Variants in TAF1L observed in about 807,000 individuals in gnomAD.
TAF1L encodes TATA-box binding protein associated factor 1 like, also known as transcription initiation factor TFIID subunit 1-like.
TAF1L carries 30 observed loss-of-function variants against 128.8 expected under a neutral mutation model. That is an observed-to-expected ratio of 0.23 (90% CI 0.17 to 0.32). The LOEUF (loss-of-function observed/expected upper bound fraction) is 0.32, where lower values mean the gene tolerates loss of function less well. TAF1L is among the 10% of genes least tolerant of loss of function. TAF1L has a pLI of 1.00. For synonymous variants in TAF1L, 764 were observed against 790.7 expected, an observed-to-expected ratio of 0.97 and a Z score of 0.57; for missense variants, 2,099 against 2,253.7, an observed-to-expected ratio of 0.93 and a Z score of 1.39.
Position 32,635,594 on chromosome 9 carries a change from A to G in TAF1L, c.-15T>C. On this transcript the variant is annotated 5_prime_UTR_variant, in exon 1 of 1. Coordinates refer to ENST00000242310, the MANE Select transcript of TAF1L (RefSeq NM_153809.2). Reference sequence around the variant, plus strand: ...CCGGGTCGCATAAACCGGAAATAAAACAACAGTCGCCCGGAAGTGATCTAC... The same window carrying G: ...CCGGGTCGCATAAACCGGAAATAAAGCAACAGTCGCCCGGAAGTGATCTAC... The G allele has an allele frequency of 1.2e-6, 2 of 1,602,562 alleles. 1 individual carries two copies. The highest frequency in any genetic ancestry group is 2.3e-5 in the South Asian group (2 of 88,850).
Position 32,634,611 on chromosome 9 carries a change from C to G in TAF1L, c.969G>C (p.Gln323His). Reference protein sequence around the residue: ...YDYAPPPPPEQCLADDEITMM... With the variant: ...YDYAPPPPPEHCLADDEITMM... ...TCGTGATTTCATCATCAGCGAGACA[C>G]TGCTCTGGGGGTGGTGGTGGAGCAT... The change falls in exon 1 of 1, where the codon CAG becomes CAC. Residue 323 changes from glutamine to histidine, a missense_variant. Gln to His is a conservative substitution (Grantham distance 24). Transcript: ENST00000242310. The G allele has an allele frequency of 6.2e-7, 1 of 1,614,202 alleles. No homozygotes were observed. The highest frequency in any genetic ancestry group is 8.5e-7 in the Non-Finnish European group (1 of 1,180,036).
rs764757601 is a variant in TAF1L, at chr9:32,635,505, G to A, written c.75C>T (p.Ser25=). Residue 25 remains serine, a synonymous_variant, in exon 1 of 1, where the codon AGC becomes AGT. Coordinates refer to ENST00000242310, the MANE Select transcript of TAF1L (RefSeq NM_153809.2). The part of the protein sequence containing the change: ...VTAAIMSDSD[S]EEDSSGGGPF... ...GGCCACCTCCAGATGAATCTTCCTC[G>A]CTGTCCGAGTCTGACATGATGGCGG... 6.2e-7 allele frequency: 1 copy of A among 1,614,098 alleles called. No individual in the cohort carries two copies. Among genetic ancestry groups the A allele is most frequent in the Non-Finnish European group, 8.5e-7 (1 of 1,180,014 alleles).
Position 32,635,242 on chromosome 9 carries a change from T to C in TAF1L, c.338A>G (p.Asn113Ser), listed in dbSNP as rs1347470696. ...TEDAVDYSDI[N>S]EVAEDESQRH... ...TTGGCTTTCATCTTCTGCCACCTCATTGATGTCTGAATAGTCTACAGCATC... is the reference window on the plus strand; with the variant it reads ...TTGGCTTTCATCTTCTGCCACCTCACTGATGTCTGAATAGTCTACAGCATC... The change falls in exon 1 of 1, where the codon AAT becomes AGT. Residue 113 changes from asparagine (N) to serine (S), a missense_variant. Coordinates refer to ENST00000242310, the MANE Select transcript of TAF1L (RefSeq NM_153809.2). The C allele has an allele frequency of 2.5e-6, 4 of 1,614,178 alleles. No individual in the cohort carries two copies. Among genetic ancestry groups the C allele is most frequent in the Non-Finnish European group, 2.5e-6 (3 of 1,180,028 alleles).
In TAF1L at chr9:32,630,405, A is replaced by C. The variant is rs111917220; in HGVS notation, c.5175T>G (p.Asp1725Glu). 111 of 1,614,138 alleles carry C rather than the reference A, an allele frequency of 6.9e-5. 2 individuals carry two copies. The South Asian group carries it at 8.3e-4, about 12-fold the overall frequency. Residue 1725 changes from aspartate (D) to glutamate (E), a missense_variant, in exon 1 of 1, where the codon GAT becomes GAG. Coordinates refer to ENST00000242310, the MANE Select transcript of TAF1L (RefSeq NM_153809.2). ...GCTTAGGTTTCCCATCCTCCTCCTCATCATCATACCCTTCAACATCCACAT... is the reference window on the plus strand; with the variant it reads ...GCTTAGGTTTCCCATCCTCCTCCTCCTCATCATACCCTTCAACATCCACAT... Reference protein sequence around the residue: ...DSDVDVEGYDDEEEDGKPKPP... With the variant: ...DSDVDVEGYDEEEEDGKPKPP...
rs763220541 is a variant in TAF1L at position 32,634,310 on chromosome 9, C to G, written c.1270G>C (p.Val424Leu). 1.2e-6 allele frequency: 2 copies of G among 1,614,218 alleles called. No individual in the cohort carries two copies. Among genetic ancestry groups the G allele is most frequent in the South Asian group, 2.2e-5 (2 of 91,088 alleles). ...DLLADENFLM[V>L]TQLHWEDSII... The stretch of plus-strand genomic sequence containing the variant: ...GAATCCTCCCAATGCAGCTGTGTCA[C>G]CATCAGGAAGTTTTCGTCAGCCAGA... Residue 424 changes from valine to leucine, a missense_variant, in exon 1 of 1, where the codon GTG becomes CTG. Val to Leu is a conservative substitution (Grantham distance 32). Coordinates refer to ENST00000242310, the MANE Select transcript of TAF1L (RefSeq NM_153809.2).
Position 32,634,079 on chromosome 9 carries a change from C to T in TAF1L, c.1501G>A (p.Asp501Asn), listed in dbSNP as rs750997404. ...NEDLVYGRWEDNIIWDAQAMP... is the reference protein window; with the variant it reads ...NEDLVYGRWENNIIWDAQAMP... ...GCCTGAGCATCCCAAATGATATTGT[C>T]CTCCCAGCGTCCATACACCAGATCC... Residue 501 changes from aspartate to asparagine, a missense_variant, in exon 1 of 1, where the codon GAC (aspartate) becomes AAC (asparagine). By Grantham distance (23) the Asp-to-Asn change is conservative. Coordinates refer to ENST00000242310, the MANE Select transcript of TAF1L (RefSeq NM_153809.2). 1.3e-5 allele frequency: 21 copies of T among 1,614,016 alleles called. No individual in the cohort carries two copies. In the South Asian group the frequency reaches 1.5e-4, roughly 12 times the overall value.
At position 32,634,019 on chromosome 9, in the gene TAF1L, G is replaced by A; in HGVS notation, c.1561C>T (p.Leu521Phe). ...ATGAGGTTCTCATCATTGGGATCAA[G>A]TGCCAAAACAGGAGGTTCCAACAGC... ...PRLLEPPVLALDPNDENLILE... is the reference protein window; with the variant it reads ...PRLLEPPVLAFDPNDENLILE... The change falls in exon 1 of 1, where the codon CTT becomes TTT. Residue 521 changes from leucine (L) to phenylalanine (F), a missense_variant. By Grantham distance (22) the Leu-to-Phe change is conservative. Transcript: ENST00000242310. 1 of 1,614,150 alleles carries A rather than the reference G, an allele frequency of 6.2e-7. No homozygotes were observed. Among genetic ancestry groups the A allele is most frequent in the East Asian group, 2.2e-5 (1 of 44,884 alleles).
Position 32,634,509 on chromosome 9 carries a change from C to T in TAF1L, c.1071G>A (p.Val357=), listed in dbSNP as rs891804004. Residue 357 remains valine (V), a synonymous_variant, in exon 1 of 1, where the codon GTG becomes GTA. Coordinates refer to ENST00000242310, the MANE Select transcript of TAF1L (RefSeq NM_153809.2). ...GGGCAGGCCCATAACGCCACTCAGC[C>T]ACTCTTGGTTTGGTATCTGTCACTT... is the stretch of plus-strand genomic sequence containing the variant. ...VDKVTDTKPR[V]AEWRYGPARL... 8.1e-6 allele frequency: 13 copies of T among 1,614,110 alleles called. No individual in the cohort carries two copies. The highest frequency in any genetic ancestry group is 3.3e-5 in the Admixed American group (2 of 60,010).
Position 32,635,611 on chromosome 9 carries a change from G to A in TAF1L, c.-32C>T, listed in dbSNP as rs1822575363. 1.4e-6 allele frequency: 2 copies of A among 1,389,908 alleles called. No individual in the cohort carries two copies. Among genetic ancestry groups the A allele is most frequent in the Non-Finnish European group, 9.6e-7 (1 of 1,042,406 alleles). The allele number at this position is 1,389,908 out of a possible 1,614,324, so 86.1% of individuals were successfully genotyped here. On this transcript the variant is annotated 5_prime_UTR_variant, in exon 1 of 1. Transcript: ENST00000242310. ...GAAATAAAACAACAGTCGCCCGGAA[G>A]TGATCTACTTAGCTCCCTTACCCTA...
At position 32,631,390 on chromosome 9, in the gene TAF1L, C is replaced by A. The variant is rs139533090; in HGVS notation, c.4190G>T (p.Arg1397Leu). 6.2e-7 allele frequency: 1 copy of A among 1,614,104 alleles called. No individual in the cohort carries two copies. The highest frequency in any genetic ancestry group is 8.5e-7 in the Non-Finnish European group (1 of 1,180,016). Residue 1397 changes from arginine (R) to leucine (L), a missense_variant, in exon 1 of 1, where the codon CGC becomes CTC. Coordinates refer to ENST00000242310, the MANE Select transcript of TAF1L (RefSeq NM_153809.2). This position sits in a 1 kb window ranked among gnomAD's most constrained non-coding sequence, Gnocchi z 4.1. Reference sequence around the variant, plus strand: ...TGACAGCGTCACCATAGGGTCTGTGCGGCGTCGGTGGATGGACTTATGAGG... The same window carrying A: ...TGACAGCGTCACCATAGGGTCTGTGAGGCGTCGGTGGATGGACTTATGAGG... ...NIPHKSIHRR[R>L]TDPMVTLSSI... is the part of the protein sequence containing the mutation.
In TAF1L at chr9:32,634,321, T is replaced by C; in HGVS notation, c.1259A>G (p.Asn420Ser). 3 of 1,614,148 alleles carry C rather than the reference T, an allele frequency of 1.9e-6. No homozygotes were observed. The South Asian group carries it at 3.3e-5, about 18-fold the overall frequency. ...ATGCAGCTGTGTCACCATCAGGAAG[T>C]TTTCGTCAGCCAGAAGATCAGTGCC... ...SNGTDLLADENFLMVTQLHWE... is the reference protein window; with the variant it reads ...SNGTDLLADESFLMVTQLHWE... Residue 420 changes from asparagine to serine, a missense_variant, in exon 1 of 1, where the codon AAC (asparagine) becomes AGC (serine). Transcript: ENST00000242310.
rs1423656060 is a variant in TAF1L, at chr9:32,630,324, T to C, written c.5256A>G (p.Val1752=). 1.2e-6 allele frequency: 2 copies of C among 1,614,122 alleles called. No individual in the cohort carries two copies. Among genetic ancestry groups the C allele is most frequent in the South Asian group, 2.2e-5 (2 of 91,088 alleles). ...ACAGGACACTGGCTTCAGGTTGTTG[T>C]ACAGTTCCTTCCTCTTCATCTGCAA... is the stretch of plus-strand genomic sequence containing the variant. ...GDLADEEEGT[V]QQPEASVLYE... is the part of the protein sequence containing the mutation. Residue 1752 remains valine, a synonymous_variant, in exon 1 of 1, where the codon GTA becomes GTG. Coordinates refer to ENST00000242310, the MANE Select transcript of TAF1L (RefSeq NM_153809.2).
At position 32,631,242 on chromosome 9, in the gene TAF1L, T is replaced by C. The variant is rs1822513151; in HGVS notation, c.4338A>G (p.Leu1446=). The change falls in exon 1 of 1, where the codon CTA becomes CTG. Residue 1446 remains leucine (L), a synonymous_variant. Transcript: ENST00000242310. This position sits in a 1 kb window ranked among gnomAD's most constrained non-coding sequence, Gnocchi z 4.1. ...YYKIITRPMD[L]QTLRENVRKC... ...TACGCACATTTTCACGGAGTGTTTG[T>C]AGGTCCATTGGCCGAGTGATGATTT... is the stretch of plus-strand genomic sequence containing the variant. The C allele has an allele frequency of 4.3e-6, 7 of 1,614,190 alleles. No individual in the cohort carries two copies. Among genetic ancestry groups the C allele is most frequent in the Non-Finnish European group, 5.9e-6 (7 of 1,180,036 alleles).
In TAF1L at chr9:32,631,206, G is replaced by A. The variant is rs1822512604; in HGVS notation, c.4374C>T (p.Tyr1458=). 6.2e-7 allele frequency: 1 copy of A among 1,614,172 alleles called. No individual in the cohort carries two copies. Among genetic ancestry groups the A allele is most frequent in the Non-Finnish European group, 8.5e-7 (1 of 1,180,032 alleles). Residue 1458 remains tyrosine (Y), a synonymous_variant, in exon 1 of 1, where the codon TAC becomes TAT. Transcript: ENST00000242310. The surrounding 1 kb of genome is among the most constrained non-coding windows in gnomAD (Gnocchi z 4.1). ...TLRENVRKCL[Y]PSREEFREHL... Reference sequence around the variant, plus strand: ...GCTCTCTGAACTCTTCCCGAGATGGGTAGAGGCATTTACGCACATTTTCAC... The same window carrying A: ...GCTCTCTGAACTCTTCCCGAGATGGATAGAGGCATTTACGCACATTTTCAC...
Position 32,635,325 on chromosome 9 carries a change from T to C in TAF1L, c.255A>G (p.Glu85=). The C allele has an allele frequency of 1.2e-6, 2 of 1,614,136 alleles. No homozygotes were observed. The highest frequency in any genetic ancestry group is 2.2e-5 in the South Asian group (2 of 91,076). The change falls in exon 1 of 1, where the codon GAA becomes GAG. Residue 85 remains glutamate (E), a synonymous_variant. Transcript: ENST00000242310. ...CCAAGGCACCGCCAGTCCCAGTCAA[T>C]TCTTCATTTGCCGTGAGTTCAGTGA... ...SLITELTANE[E]LTGTGGALVN...
Position 32,631,203 on chromosome 9 carries a change from T to C in TAF1L, c.4377A>G (p.Pro1459=), listed in dbSNP as rs1822512545. Reference sequence around the variant, plus strand: ...GATGCTCTCTGAACTCTTCCCGAGATGGGTAGAGGCATTTACGCACATTTT... The same window carrying C: ...GATGCTCTCTGAACTCTTCCCGAGACGGGTAGAGGCATTTACGCACATTTT... ...LRENVRKCLY[P]SREEFREHLE... is the part of the protein sequence containing the mutation. Residue 1459 remains proline, a synonymous_variant, in exon 1 of 1, where the codon CCA becomes CCG. Coordinates refer to ENST00000242310, the MANE Select transcript of TAF1L (RefSeq NM_153809.2). This position sits in a 1 kb window ranked among gnomAD's most constrained non-coding sequence, Gnocchi z 4.1. 1 of 1,614,216 alleles carries C rather than the reference T, an allele frequency of 6.2e-7. No homozygotes were observed. The highest frequency in any genetic ancestry group is 8.5e-7 in the Non-Finnish European group (1 of 1,180,052).
Position 32,635,487 on chromosome 9 carries a change from T to G in TAF1L, c.93A>C (p.Gly31=), listed in dbSNP as rs1822572312. The G allele has an allele frequency of 1.2e-6, 2 of 1,614,114 alleles. No homozygotes were observed. The highest frequency in any genetic ancestry group is 1.7e-6 in the Non-Finnish European group (2 of 1,180,020). Residue 31 remains glycine, a synonymous_variant, in exon 1 of 1, where the codon GGA becomes GGC. Coordinates refer to ENST00000242310, the MANE Select transcript of TAF1L (RefSeq NM_153809.2). ...SDSDSEEDSS[G]GGPFTLAGIL... ...TACCCGCTAAAGTAAATGGGCCACC[T>G]CCAGATGAATCTTCCTCGCTGTCCG...
rs1159612506 is a variant in TAF1L, at chr9:32,635,630, T to A, written c.-51A>T. 1.5e-6 allele frequency: 2 copies of A among 1,330,488 alleles called. No homozygotes were observed. Among genetic ancestry groups the A allele is most frequent in the Non-Finnish European group, 2.0e-6 (2 of 1,011,432 alleles). The allele number at this position is 1,330,488 out of a possible 1,614,324, so 82.4% of individuals were successfully genotyped here. A position where few individuals can be genotyped will look rare whatever the true frequency, so the allele number is the denominator to read the frequency against. Reference sequence around the variant, plus strand: ...CCGGAAGTGATCTACTTAGCTCCCTTACCCTACCAGCGTCTACCGGAAGCT... The same window carrying A: ...CCGGAAGTGATCTACTTAGCTCCCTAACCCTACCAGCGTCTACCGGAAGCT... On this transcript the variant is annotated 5_prime_UTR_variant, in exon 1 of 1. Coordinates refer to ENST00000242310, the MANE Select transcript of TAF1L (RefSeq NM_153809.2).
chr9:32,634,634 C>A lies in TAF1L; in HGVS notation c.946G>T (p.Ala316Ser), dbSNP rs1347187300. The A allele has an allele frequency of 6.2e-7, 1 of 1,613,930 alleles. No individual in the cohort carries two copies. Among genetic ancestry groups the A allele is most frequent in the Non-Finnish European group, 8.5e-7 (1 of 1,179,960 alleles). Residue 316 changes from alanine (A) to serine (S), a missense_variant, in exon 1 of 1, where the codon GCT becomes TCT. By Grantham distance (99) the Ala-to-Ser change is moderately conservative. Transcript: ENST00000242310. Reference protein sequence around the residue: ...SQKSLWNYDYAPPPPPEQCLA... With the variant: ...SQKSLWNYDYSPPPPPEQCLA... ...CACTGCTCTGGGGGTGGTGGTGGAG[C>A]ATAGTCATAGTTCCACAAAGACTTC...
Sources: allele counts gnomAD v4.1 joint callset, GRCh38; gene constraint gnomAD v4.1.1; non-coding constraint Gnocchi (gnomAD v3.1); transcripts MANE v1.5; gene names NCBI Gene and HGNC (gene_info 2026-07-23, HGNC 2026-07-21).